VARS1: variants seen among roughly 807,000 people sequenced by gnomAD.
VARS1 encodes valyl-tRNA synthetase 1.
VARS1 carries 92 observed loss-of-function variants against 161.0 expected under a neutral mutation model. That is an observed-to-expected ratio of 0.57 (90% CI 0.48 to 0.68). The LOEUF (loss-of-function observed/expected upper bound fraction) is 0.68. Among genes scored for constraint, VARS1 ranks in the 30% least tolerant of loss-of-function variants. The pLI is 0.00. For synonymous variants in VARS1, 595 were observed against 682.5 expected (o/e 0.87, Z 2.00); for missense variants, 1,338 against 1,695.9 (o/e 0.79, Z 3.71).
intron 8 of VARS1, among the ~76,000 whole-genome samples, chr6:31,786,926 G>A (rs950801691): frequency 6.6e-6 from 1 of 151,886 alleles, no homozygotes; most frequent in African/African-American, 2.4e-5. Context: ...AGAAACTTTA[G>A]ATAGATTAAA....
At chr6:31,788,435 G>A (rs1213204204) in intron 8 of VARS1, among the ~76,000 whole-genome samples, 1 of 151,210 alleles carries the variant, frequency 6.6e-6, no homozygotes, top group African/African-American at 2.4e-5. Flanking sequence ...AGGAGGCAGA[G>A]GTTGCAGTAA....
intron 8 of VARS1, among the ~76,000 whole-genome samples, chr6:31,789,864 CAAAAA>C (rs1037217448): frequency 2.0e-5 from 3 of 147,532 alleles, no homozygotes; most frequent in Admixed American, 2.0e-4. Context: ...ACTAAAAATA[CAAAAA>C]AAAAATTAGC....
chr6:31,794,608 G>A (rs936278549), intron 2 of VARS1, among the ~76,000 whole-genome samples: 1 of 152,188 alleles, frequency 6.6e-6, no homozygotes, highest in Non-Finnish European at 1.5e-5. Context: ...ACTCAGTGAG[G>A]CAAGCATTAC....
At chr6:31,793,692 A>G (rs1814054262) in intron 2 of VARS1, among the ~76,000 whole-genome samples, 1 of 152,224 alleles carries the variant, frequency 6.6e-6, no homozygotes, top group South Asian at 2.1e-4. Flanking sequence ...ACACGAACAG[A>G]TGGACAGAAC....
chr6:31,788,297 C>T (rs1228979281), intron 8 of VARS1, among the ~76,000 whole-genome samples: 10 of 151,496 alleles, frequency 6.6e-5, no homozygotes, highest in Admixed American at 6.6e-4. Context: ...GTCAGGAGCT[C>T]GAAACAAGCC....
In VARS1 at chr6:31,792,321, CAT is replaced by C. The variant is rs769219324; in HGVS notation, c.787-22_787-21del. On this transcript the variant is annotated intron_variant, in intron 5 of 29. Coordinates refer to ENST00000375663, the MANE Select transcript of VARS1 (RefSeq NM_006295.3). ...TTTCTTCTGCTTGGGAGGGAGAAGACATAGGCCCAGGCATCAGCCAACCCATC... is the reference window on the plus strand; with the variant it reads ...TTTCTTCTGCTTGGGAGGGAGAAGACAGGCCCAGGCATCAGCCAACCCATC... 2 of 1,613,894 alleles carry C rather than the reference CAT, an allele frequency of 1.2e-6. No homozygotes were observed. Among genetic ancestry groups the C allele is most frequent in the Non-Finnish European group, 1.7e-6 (2 of 1,179,984 alleles).
intron 8 of VARS1, among the ~76,000 whole-genome samples, chr6:31,786,665 CAAAAAAAAAAA>C (rs9279417): frequency 6.3e-5 from 2 of 31,594 alleles, no homozygotes; most frequent in Non-Finnish European, 1.1e-4. Context: ...GACTCTGTCT[CAAAAAAAAAAA>C]AAAAAAAAAA....
Position 31,780,359 on chromosome 6 carries a change from CCCCCAGCTACAT to C in VARS1, c.2925+70_2925+81del. 1 of 1,559,530 alleles carries C rather than the reference CCCCCAGCTACAT, an allele frequency of 6.4e-7. No homozygotes were observed. The highest frequency in any genetic ancestry group is 8.7e-7 in the Non-Finnish European group (1 of 1,152,366). ...CTGTCTGTCTCTGTGTCTATCTGTC[CCCCCAGCTACAT>C]GGAGGCTGCTCCGGACAGGGGTACA... is the stretch of plus-strand genomic sequence containing the variant. On this transcript the variant is annotated intron_variant, in intron 25 of 29. Coordinates refer to ENST00000375663, the MANE Select transcript of VARS1 (RefSeq NM_006295.3). The surrounding 1 kb of genome is among the most constrained non-coding windows in gnomAD (Gnocchi z 5.1).
At position 31,782,604 on chromosome 6, in the gene VARS1, C is replaced by T. The variant is rs149433481; in HGVS notation, c.1917G>A (p.Ala639=). The T allele has an allele frequency of 4.8e-4, 775 of 1,613,074 alleles. 8 individuals carry two copies. The African/African-American group carries it at 9.4e-3, about 20-fold the overall frequency. ...LGLPRFEARK[A]VLVALKERGL... is the part of the protein sequence containing the mutation. ...CCCGCTCCTTCAGCGCCACCAGCAC[C>T]GCTTTCCTGGCCTCAAACCTGGGCA... Residue 639 remains alanine (A), a synonymous_variant, in exon 16 of 30, where the codon GCG becomes GCA. Transcript: ENST00000375663. The surrounding 1 kb of genome is among the most constrained non-coding windows in gnomAD (Gnocchi z 8.3).
Position 31,784,436 on chromosome 6 carries a change from A to T in VARS1, c.1534T>A (p.Phe512Ile), listed in dbSNP as rs918312502. ...SVPGYKEKVE[F>I]GVLVSFAYKV... ...TAGGCAAAGGACACGAGGACCCCGAACTCCACCTTCTCCTTGTAGCCAGGC... is the reference window on the plus strand; with the variant it reads ...TAGGCAAAGGACACGAGGACCCCGATCTCCACCTTCTCCTTGTAGCCAGGC... Residue 512 changes from phenylalanine (F) to isoleucine (I), a missense_variant, in exon 12 of 30, where the codon TTC becomes ATC. Transcript: ENST00000375663. The surrounding 1 kb of genome is among the most constrained non-coding windows in gnomAD (Gnocchi z 6.1). 5 of 1,613,620 alleles carry T rather than the reference A, an allele frequency of 3.1e-6. No individual in the cohort carries two copies. The highest frequency in any genetic ancestry group is 4.2e-6 in the Non-Finnish European group (5 of 1,179,918).
chr6:31,794,431 C>T (rs1814120450), intron 2 of VARS1, among the ~76,000 whole-genome samples: 1 of 152,214 alleles, frequency 6.6e-6, no homozygotes. Context: ...TTTCATTTCT[C>T]TTTTATCTCC....
chr6:31,787,841 G>A (rs1002060012), intron 8 of VARS1, among the ~76,000 whole-genome samples: 2 of 151,318 alleles, frequency 1.3e-5, no homozygotes, highest in African/African-American at 4.9e-5. Context: ...AAACAGGGCC[G>A]GGCGTGGTGG....
chr6:31,782,648 G>C lies in VARS1; in HGVS notation c.1888-15C>G. The stretch of plus-strand genomic sequence containing the variant: ...CTGGGCAGGCCCTGGGTAGGAATGA[G>C]GCCTCATCATGGCGATGCCCAGCCA... On this transcript the variant is annotated splice_polypyrimidine_tract_variant and intron_variant, in intron 15 of 29. Transcript: ENST00000375663. The surrounding 1 kb of genome is among the most constrained non-coding windows in gnomAD (Gnocchi z 8.3). 15 of 1,613,080 alleles carry C rather than the reference G, an allele frequency of 9.3e-6. No individual in the cohort carries two copies. Among genetic ancestry groups the C allele is most frequent in the Non-Finnish European group, 1.2e-5 (14 of 1,180,036 alleles).
chr6:31,779,688 C>G lies in VARS1; in HGVS notation c.3208G>C (p.Glu1070Gln). ...CTCCGGGGCAGCCTCTGGAACAGCT[C>G]CTCCGTCACGAAGGGCATGAAGGGT... ...LSPFMPFVTE[E>Q]LFQRLPRRMP... The change falls in exon 27 of 30, where the codon GAG becomes CAG. Residue 1070 changes from glutamate to glutamine, a missense_variant. Physicochemically the swap from Glu to Gln is conservative, Grantham distance 29. Coordinates refer to ENST00000375663, the MANE Select transcript of VARS1 (RefSeq NM_006295.3). This position sits in a 1 kb window ranked among gnomAD's most constrained non-coding sequence, Gnocchi z 9.1. The G allele has an allele frequency of 6.2e-7, 1 of 1,613,012 alleles. No individual in the cohort carries two copies. Among genetic ancestry groups the G allele is most frequent in the Admixed American group, 1.7e-5 (1 of 60,026 alleles).
chr6:31,782,721 C>T lies in VARS1; in HGVS notation c.1887G>A (p.Leu629=). The T allele has an allele frequency of 6.2e-7, 1 of 1,612,986 alleles. No homozygotes were observed. The highest frequency in any genetic ancestry group is 8.5e-7 in the Non-Finnish European group (1 of 1,179,964). ...GALINVPPPF[L]GLPRFEARKA... Reference sequence around the variant, plus strand: ...GCACTCTTGCCTCAGGCAGCCTCACCAGGAAAGGCGGAGGCACATTGATGA... The same window carrying T: ...GCACTCTTGCCTCAGGCAGCCTCACTAGGAAAGGCGGAGGCACATTGATGA... Residue 629 remains leucine, a splice_region_variant and synonymous_variant, in exon 15 of 30, where the codon CTG becomes CTA. Coordinates refer to ENST00000375663, the MANE Select transcript of VARS1 (RefSeq NM_006295.3). The surrounding 1 kb of genome is among the most constrained non-coding windows in gnomAD (Gnocchi z 8.3).
At position 31,780,376 on chromosome 6, in the gene VARS1, G is replaced by C; in HGVS notation, c.2925+65C>G. The C allele has an allele frequency of 6.4e-7, 1 of 1,570,460 alleles. No individual in the cohort carries two copies. The stretch of plus-strand genomic sequence containing the variant: ...TATCTGTCCCCCCAGCTACATGGAG[G>C]CTGCTCCGGACAGGGGTACAGCCTG... On this transcript the variant is annotated intron_variant, in intron 25 of 29. Transcript: ENST00000375663. This position sits in a 1 kb window ranked among gnomAD's most constrained non-coding sequence, Gnocchi z 5.1.
chr6:31,777,723 C>T lies in VARS1; in HGVS notation c.3727-61G>A. 6.4e-7 allele frequency: 1 copy of T among 1,569,924 alleles called. No homozygotes were observed. Among genetic ancestry groups the T allele is most frequent in the Non-Finnish European group, 8.7e-7 (1 of 1,152,610 alleles). ...TCCAAGTGAAGAGACCCCCAAACAC[C>T]CAGGACAACAAAGTTGGAAAGATGA... On this transcript the variant is annotated intron_variant, in intron 29 of 29. Transcript: ENST00000375663. This position sits in a 1 kb window ranked among gnomAD's most constrained non-coding sequence, Gnocchi z 5.8.
chr6:31,789,979 C>T lies in VARS1; in HGVS notation c.1100+1631G>A, dbSNP rs977843152. 6.6e-5 allele frequency among the ~76,000 whole-genome samples: 10 copies of T among 151,396 alleles called. 1 individual carries two copies. The highest frequency in any genetic ancestry group is 6.6e-5 in the Admixed American group (1 of 15,160). On this transcript the variant is annotated intron_variant, in intron 8 of 29. Transcript: ENST00000375663. ...GCGGAGTTTGGAGCTTGCAGTGAGC[C>T]GAGACTGTGCCACTGCACTCCAGCC... is the stretch of plus-strand genomic sequence containing the variant.
intron 2 of VARS1, among the ~76,000 whole-genome samples, chr6:31,794,541 C>T (rs1280665495): frequency 6.6e-6 from 1 of 152,202 alleles, no homozygotes; most frequent in South Asian, 2.1e-4. Flanking sequence ...TACTAAGAGA[C>T]TTTAAAAGTG....
Sources: gnomAD v4.1 joint callset for allele counts (sites outside exome capture counted in the v4.1 genomes callset) on GRCh38, gnomAD v4.1.1 for gene constraint, Gnocchi (gnomAD v3.1) non-coding constraint, MANE v1.5 for transcripts, NCBI Gene and HGNC (gene_info 2026-07-23, HGNC 2026-07-21) for gene names.